Variants in EXOC4 observed in about 807,000 individuals in gnomAD.
EXOC4 encodes SEC8-like 1.
EXOC4 carries 71 observed loss-of-function variants against 107.2 expected under a neutral mutation model. The observed-to-expected ratio is 0.66, with a 90% CI of 0.55 to 0.81. The LOEUF (loss-of-function observed/expected upper bound fraction) is 0.81. Ranked by LOEUF, EXOC4 falls within the 30% of genes least tolerant of loss-of-function variation. The probability of loss-of-function intolerance (pLI) is 0.00; values close to 1 mark genes in which losing one functional copy is unlikely to be tolerated. For synonymous variants in EXOC4, 456 were observed against 441.2 expected (o/e 1.03, Z -0.42); for missense variants, 1,108 against 1,189.6 (o/e 0.93, Z 1.01).
chr7:133,316,580 T>G (rs1285423891), intron 4 of EXOC4, among the ~76,000 whole-genome samples: 1 of 152,222 alleles, frequency 6.6e-6, no homozygotes, highest in Non-Finnish European at 1.5e-5. Context: ...ATAGTTTTCA[T>G]GATTTAAAAT....
At chr7:133,808,523 C>G (rs1383762524) in intron 10 of EXOC4, among the ~76,000 whole-genome samples, 1 of 152,088 alleles carries the variant, frequency 6.6e-6, no homozygotes, top group African/African-American at 2.4e-5. Context: ...CCAGTTTGCT[C>G]TGTGTCTTAA....
At chr7:133,535,626 G>A (rs1459519995) in intron 9 of EXOC4, among the ~76,000 whole-genome samples, 1 of 152,134 alleles carries the variant, frequency 6.6e-6, no homozygotes, top group Non-Finnish European at 1.5e-5. Context: ...ACTGTTTTAT[G>A]GAAAGCAATT....
At chr7:133,612,945 T>C (rs1802104703) in intron 9 of EXOC4, among the ~76,000 whole-genome samples, 1 of 152,180 alleles carries the variant, frequency 6.6e-6, no homozygotes, top group Non-Finnish European at 1.5e-5. Context: ...GGATGTGTAG[T>C]TGGCCCAGAA....
intron 12 of EXOC4, among the ~76,000 whole-genome samples, chr7:133,917,338 G>T (rs1467765300): frequency 6.6e-6 from 1 of 152,132 alleles, no homozygotes; most frequent in East Asian, 1.9e-4. Flanking sequence ...GGTAAGAGGA[G>T]CTAATTAGTT....
intron 7 of EXOC4, among the ~76,000 whole-genome samples, chr7:133,417,738 C>G (rs1584900837): frequency 1.3e-5 from 2 of 152,044 alleles, no homozygotes; most frequent in Non-Finnish European, 2.9e-5. Context: ...CTCATCAGTA[C>G]CTTTAGTCAC....
intron 7 of EXOC4, among the ~76,000 whole-genome samples, chr7:133,397,165 G>T (rs1160018863): frequency 6.7e-6 from 1 of 149,364 alleles, no homozygotes; most frequent in East Asian, 2.0e-4. Context: ...TTTCGCTCTT[G>T]TTGCCCAGGC....
At chr7:133,881,608 G>A (rs1160715906) in intron 11 of EXOC4, among the ~76,000 whole-genome samples, 1 of 151,980 alleles carries the variant, frequency 6.6e-6, no homozygotes, top group South Asian at 2.1e-4. Context: ...TAGTATCTAA[G>A]ATTGTTGGAG....
At chr7:133,815,911 A>G (rs955215636) in intron 10 of EXOC4, among the ~76,000 whole-genome samples, 11 of 152,190 alleles carry the variant, frequency 7.2e-5, no homozygotes, top group African/African-American at 2.4e-4. Context: ...CGGTACTTTT[A>G]TCTTTGTTGG....
intron 1 of EXOC4, among the ~76,000 whole-genome samples, chr7:133,273,538 A>C (rs1163300093): frequency 6.6e-6 from 1 of 151,816 alleles, no homozygotes; most frequent in East Asian, 1.9e-4. Context: ...CCATCCCCCT[A>C]CCCGTATTCA....
intron 11 of EXOC4, among the ~76,000 whole-genome samples, chr7:133,888,816 T>C (rs934948880): frequency 6.6e-6 from 1 of 152,188 alleles, no homozygotes; most frequent in Admixed American, 6.5e-5. Flanking sequence ...GAGCTCCTTC[T>C]TTATTTATTT....
At chr7:133,988,153 C>T (rs1201416240) in intron 14 of EXOC4, among the ~76,000 whole-genome samples, 1 of 152,138 alleles carries the variant, frequency 6.6e-6, no homozygotes, top group Non-Finnish European at 1.5e-5. Context: ...ACTGACAACT[C>T]GTGAAATTGA....
At chr7:133,725,618 C>T (rs774901034) in intron 10 of EXOC4, among the ~76,000 whole-genome samples, 1 of 152,148 alleles carries the variant, frequency 6.6e-6, no homozygotes, top group Non-Finnish European at 1.5e-5. Context: ...TCAGGTTATC[C>T]AGCCACCTCA....
At chr7:133,324,714 G>T (rs996272381) in intron 5 of EXOC4, among the ~76,000 whole-genome samples, 6 of 152,102 alleles carry the variant, frequency 3.9e-5, no homozygotes, top group Non-Finnish European at 7.4e-5. Flanking sequence ...GTTCTGTAGA[G>T]GTCTATTAGG....
At chr7:133,762,173 A>G (rs925941775) in intron 10 of EXOC4, among the ~76,000 whole-genome samples, 2 of 152,134 alleles carry the variant, frequency 1.3e-5, no homozygotes, top group East Asian at 1.9e-4. Flanking sequence ...TATATCCCCA[A>G]TTGAGAATTC....
intron 6 of EXOC4, among the ~76,000 whole-genome samples, chr7:133,359,646 G>A (rs1419669338): frequency 6.6e-6 from 1 of 152,048 alleles, no homozygotes; most frequent in Non-Finnish European, 1.5e-5. Context: ...TTCCCTAAAA[G>A]TTTCATCATC....
intron 14 of EXOC4, among the ~76,000 whole-genome samples, chr7:133,941,035 T>A (rs1344651174): frequency 2.0e-5 from 3 of 151,974 alleles, no homozygotes; most frequent in Non-Finnish European, 2.9e-5. Context: ...CTTTTTTTTT[T>A]TTGAGATGGA....
At chr7:133,468,951 C>T (rs553146574) in intron 7 of EXOC4, among the ~76,000 whole-genome samples, 2 of 152,186 alleles carry the variant, frequency 1.3e-5, no homozygotes, top group East Asian at 3.9e-4. Context: ...AATATAGGCA[C>T]ATTTAAAATA....
intron 10 of EXOC4, among the ~76,000 whole-genome samples, chr7:133,743,599 C>T (rs1795613456): frequency 6.6e-6 from 1 of 152,102 alleles, no homozygotes; most frequent in Non-Finnish European, 1.5e-5. Context: ...CCCAAAACAT[C>T]AGGATATGTT....
chr7:134,064,295 T>C lies in EXOC4; in HGVS notation c.2692T>C (p.Tyr898His), dbSNP rs1212712130. Residue 898 changes from tyrosine to histidine, a missense_variant, in exon 18 of 18, where the codon TAC (tyrosine) becomes CAC (histidine). By Grantham distance (83) the Tyr-to-His change is moderately conservative. Transcript: ENST00000253861. Reference protein sequence around the residue: ...READLDFARQYYEMLYNTADE... With the variant: ...READLDFARQHYEMLYNTADE... ...TGTTCTCTCTTGCTTTCTCAGGCAG[T>C]ACTACGAGATGCTTTACAACACAGC... 2 of 1,455,428 alleles carry C rather than the reference T, an allele frequency of 1.4e-6. No individual in the cohort carries two copies. Among genetic ancestry groups the C allele is most frequent in the Non-Finnish European group, 1.8e-6 (2 of 1,094,432 alleles). 90.2% of individuals were successfully genotyped at this position (1,455,428 alleles called of 1,614,324 possible). A position where few individuals can be genotyped will look rare whatever the true frequency, so the allele number is the denominator to read the frequency against.
Sources: allele counts gnomAD v4.1 joint callset (sites outside exome capture counted in the v4.1 genomes callset), GRCh38; gene constraint gnomAD v4.1.1; transcripts MANE v1.5; gene names NCBI Gene and HGNC (gene_info 2026-07-23, HGNC 2026-07-21).